DACH1: variants seen among roughly 807,000 people sequenced by gnomAD.
DACH1 encodes the protein dachshund family transcription factor 1.
DACH1 carries 12 observed loss-of-function variants against 54.2 expected under a neutral mutation model. That is an observed-to-expected ratio of 0.22 (90% confidence interval 0.14 to 0.36). The LOEUF (loss-of-function observed/expected upper bound fraction) is 0.36. Among genes scored for constraint, DACH1 ranks in the 10% least tolerant of loss-of-function variants. The pLI, the probability that DACH1 is intolerant of heterozygous loss-of-function variation, is 1.00. For missense variants in DACH1, 805 were observed against 929.8 expected (o/e 0.87, Z 1.75); for synonymous variants, 386 against 366.2 (o/e 1.05, Z -0.62).
chr13:71,769,491 A>G (rs73525444), intron 1 of DACH1, among the ~76,000 whole-genome samples: 514 of 151,822 alleles, frequency 3.4e-3, no homozygotes, highest in African/African-American at 0.012. Context: ...CCAGGATGAG[A>G]CCAATAAATC....
intron 1 of DACH1, among the ~76,000 whole-genome samples, chr13:71,810,596 C>T (rs1594248539): frequency 6.6e-6 from 1 of 152,216 alleles, no homozygotes; most frequent in East Asian, 1.9e-4. Context: ...AAAGAAAATA[C>T]TATGAATACT....
At chr13:71,536,613 C>A (rs2138318825) in intron 6 of DACH1, among the ~76,000 whole-genome samples, 1 of 152,164 alleles carries the variant, frequency 6.6e-6, no homozygotes, top group East Asian at 1.9e-4. Context: ...AGTTTCATTC[C>A]TCAGATCAAC....
chr13:71,710,461 T>A (rs1882667092), intron 1 of DACH1, among the ~76,000 whole-genome samples: 1 of 108,788 alleles, frequency 9.2e-6, no homozygotes, highest in South Asian at 2.3e-4. Context: ...TTTGTGTGTG[T>A]GTGTGTGTGT....
intron 1 of DACH1, among the ~76,000 whole-genome samples, chr13:71,837,367 T>C (rs1888834381): frequency 6.6e-6 from 1 of 151,138 alleles, no homozygotes; most frequent in African/African-American, 2.4e-5. Flanking sequence ...TCTGTAATAG[T>C]ATTATTTATT....
intron 6 of DACH1, among the ~76,000 whole-genome samples, chr13:71,492,086 T>G (rs1423347885): frequency 6.6e-6 from 1 of 150,834 alleles, no homozygotes; most frequent in Admixed American, 6.6e-5. Flanking sequence ...TAATTTCTTG[T>G]TTTTTTTTGT....
intron 6 of DACH1, among the ~76,000 whole-genome samples, chr13:71,499,407 G>T (rs1879727295): frequency 6.6e-6 from 1 of 152,164 alleles, no homozygotes; most frequent in Non-Finnish European, 1.5e-5. Context: ...CTGCACAGTA[G>T]GGCCATTAAG....
chr13:71,759,105 T>G (rs1331428617), intron 1 of DACH1, among the ~76,000 whole-genome samples: 1 of 151,980 alleles, frequency 6.6e-6, no homozygotes, highest in Non-Finnish European at 1.5e-5. Flanking sequence ...ATCTGTTACC[T>G]TTTTTTCCCC....
chr13:71,457,917 T>TATTA (rs1566270878), intron 10 of DACH1, among the ~76,000 whole-genome samples: 4 of 151,824 alleles, frequency 2.6e-5, no homozygotes. Context: ...TCACACCCCA[T>TATTA]ATTAGTAAGC....
At chr13:71,707,344 G>GA (rs1882500009) in intron 1 of DACH1, among the ~76,000 whole-genome samples, 2 of 152,188 alleles carry the variant, frequency 1.3e-5, no homozygotes, top group Admixed American at 1.3e-4. Context: ...TCAGCATCTT[G>GA]AATTCTTACC....
chr13:71,801,841 C>T (rs1887301395), intron 1 of DACH1, among the ~76,000 whole-genome samples: 1 of 146,032 alleles, frequency 6.8e-6, no homozygotes, highest in South Asian at 2.1e-4. Context: ...TTGCCCAGTA[C>T]TGAAAAAAGA....
chr13:71,702,903 C>T (rs1458814478), intron 1 of DACH1, among the ~76,000 whole-genome samples: 2 of 152,058 alleles, frequency 1.3e-5, no homozygotes, highest in Non-Finnish European at 1.5e-5. Context: ...AGAGACTTGC[C>T]ACTCTTATTC....
At chr13:71,732,320 C>A (rs992203359) in intron 1 of DACH1, among the ~76,000 whole-genome samples, 6 of 152,114 alleles carry the variant, frequency 3.9e-5, no homozygotes, top group Admixed American at 6.5e-5. Context: ...CGCAGTGGCT[C>A]ACACCTGTAA....
intron 1 of DACH1, among the ~76,000 whole-genome samples, chr13:71,851,347 A>C (rs1566542713): frequency 6.6e-6 from 1 of 152,186 alleles, no homozygotes; most frequent in Non-Finnish European, 1.5e-5. Context: ...TTTACATTAT[A>C]ATTTACATTA....
At chr13:71,846,070 A>C (rs1272778506) in intron 1 of DACH1, 2 of 167,790 alleles carry the variant, frequency 1.2e-5, no homozygotes, top group Non-Finnish European at 2.7e-5. Context: ...CATTCTTCTC[A>C]AAATTGACGG....
rs1874851664 is a variant in DACH1, at chr13:71,866,745, G to A, written c.25C>T (p.Pro9Ser). The change falls in exon 1 of 11, where the codon CCT becomes TCT. Residue 9 changes from proline (P) to serine (S), a missense_variant. By Grantham distance (74) the Pro-to-Ser change is moderately conservative. Around this residue, in one of 3 missense-constraint regions of DACH1, gnomAD observed 305 missense variants for 308.7 expected, o/e 0.99. Coordinates refer to ENST00000613252, the MANE Select transcript of DACH1 (RefSeq NM_080759.6). The part of the protein sequence containing the change: MAVPAALI[P>S]PTQLVPPQPP... ...TGAGGGGGGACCAGCTGGGTCGGAG[G>A]GATCAAAGCCGCCGGCACTGCCATG... is the stretch of plus-strand genomic sequence containing the variant. 1 of 1,413,106 alleles carries A rather than the reference G, an allele frequency of 7.1e-7. No individual in the cohort carries two copies. Among genetic ancestry groups the A allele is most frequent in the Admixed American group, 2.5e-5 (1 of 40,350 alleles). The allele number at this position is 1,413,106 out of a possible 1,614,324, so 87.5% of individuals were successfully genotyped here.
intron 1 of DACH1, among the ~76,000 whole-genome samples, chr13:71,788,340 T>A (rs1886691188): frequency 6.6e-6 from 1 of 152,142 alleles, no homozygotes; most frequent in Admixed American, 6.6e-5. Flanking sequence ...CTATAAAGAC[T>A]CTTATAGCCA....
chr13:71,832,277 C>T (rs559450452), intron 1 of DACH1, among the ~76,000 whole-genome samples: 24 of 151,916 alleles, frequency 1.6e-4, no homozygotes, highest in Non-Finnish European at 3.1e-4. Context: ...TATAACATTG[C>T]CATGGAATAC....
chr13:71,584,638 T>A (rs1873099719), intron 3 of DACH1, among the ~76,000 whole-genome samples: 1 of 152,108 alleles, frequency 6.6e-6, no homozygotes, highest in Non-Finnish European at 1.5e-5. Context: ...TTGAAACAGT[T>A]CTCTACTGAA....
chr13:71,441,531 A>G (rs1874005706), intron 10 of DACH1, among the ~76,000 whole-genome samples: 1 of 152,082 alleles, frequency 6.6e-6, no homozygotes. Context: ...CTGAAATTCA[A>G]ATTTTAATAT....
Sources: allele counts gnomAD v4.1 joint callset (sites outside exome capture counted in the v4.1 genomes callset), GRCh38; gene constraint gnomAD v4.1.1; regional missense constraint gnomAD v4.1.1; transcripts MANE v1.5; gene names NCBI Gene and HGNC (gene_info 2026-07-23, HGNC 2026-07-21).